Variants in VMP1 observed in about 807,000 individuals in gnomAD.
VMP1 encodes the protein vacuole membrane protein 1.
VMP1 carries 11 observed loss-of-function variants against 56.0 expected under a neutral mutation model. The ratio of observed to expected loss-of-function variants is 0.20; its 90% CI spans 0.12 to 0.32. The LOEUF (loss-of-function observed/expected upper bound fraction) is 0.32. Ranked by LOEUF, VMP1 falls within the 10% of genes least tolerant of loss-of-function variation. The pLI, the probability that VMP1 is intolerant of heterozygous loss-of-function variation, is 1.00. For missense variants in VMP1, 296 were observed against 490.3 expected (o/e 0.60, Z 3.74); for synonymous variants, 149 against 165.0 (o/e 0.90, Z 0.74).
chr17:59,729,031 AAGT>A (rs1375385709), intron 1 of VMP1, among the ~76,000 whole-genome samples: 1 of 152,194 alleles, frequency 6.6e-6, no homozygotes, highest in African/African-American at 2.4e-5. Flanking sequence ...GAATCATAAC[AAGT>A]AGTCTTTTGT....
At chr17:59,825,661 T>A (rs2038624146) in intron 10 of VMP1, among the ~76,000 whole-genome samples, 1 of 152,192 alleles carries the variant, frequency 6.6e-6, no homozygotes. Flanking sequence ...ACAAGAAAAG[T>A]TTCCATAACT....
At chr17:59,809,016 TA>T in intron 8 of VMP1, 140 bp downstream of exon 8, 2 of 652,132 alleles carry the variant, frequency 3.1e-6, no homozygotes, top group Non-Finnish European at 4.9e-6. Flanking sequence ...TTTTTTTTTT[TA>T]AGACGGAGTC....
At chr17:59,811,564 T>C in intron 8 of VMP1, 106 bp from the exon 9 acceptor site, 1 of 819,950 alleles carries the variant, frequency 1.2e-6, no homozygotes, top group Non-Finnish European at 2.0e-6. Flanking sequence ...CATATATTGC[T>C]TTGCAGTGTA....
At chr17:59,742,522 C>CAATAAAAATAAT (rs1555614993) in intron 5 of VMP1, among the ~76,000 whole-genome samples, 10 of 142,948 alleles carry the variant, frequency 7.0e-5, no homozygotes, top group African/African-American at 2.6e-4. Context: ...GTCTCAAAAA[C>CAATAAAAATAAT]AATAATAATA....
intron 10 of VMP1, among the ~76,000 whole-genome samples, chr17:59,825,670 C>G (rs1309293109): frequency 6.6e-6 from 1 of 152,186 alleles, no homozygotes; most frequent in African/African-American, 2.4e-5. Context: ...GTTTCCATAA[C>G]TCAATCATTG....
chr17:59,816,154 T>C (rs2038224417), intron 9 of VMP1, among the ~76,000 whole-genome samples: 1 of 152,228 alleles, frequency 6.6e-6, no homozygotes, highest in African/African-American at 2.4e-5. Flanking sequence ...TTCAAGCTGC[T>C]ACATACAAAA....
intron 5 of VMP1, among the ~76,000 whole-genome samples, chr17:59,745,666 A>G (rs1189485704): frequency 6.6e-6 from 1 of 152,166 alleles, no homozygotes; most frequent in Non-Finnish European, 1.5e-5. Flanking sequence ...TCCAGGCTTA[A>G]CATAATCCTC....
At chr17:59,737,200 G>A (rs2035048804) in intron 3 of VMP1, among the ~76,000 whole-genome samples, 1 of 152,154 alleles carries the variant, frequency 6.6e-6, no homozygotes, top group Non-Finnish European at 1.5e-5. Flanking sequence ...CATATTATAA[G>A]TTGAGGTTTA....
At chr17:59,718,520 T>C (rs2034264820) in intron 1 of VMP1, among the ~76,000 whole-genome samples, 1 of 150,004 alleles carries the variant, frequency 6.7e-6, no homozygotes, top group African/African-American at 2.5e-5. Flanking sequence ...TTTTCCTTTC[T>C]CTTAACACGG....
At chr17:59,832,917 G>T (rs1455286414) in intron 10 of VMP1, among the ~76,000 whole-genome samples, 1 of 151,846 alleles carries the variant, frequency 6.6e-6, no homozygotes, top group East Asian at 1.9e-4. Flanking sequence ...GGCCGAAATG[G>T]TAATTCTTTG....
chr17:59,729,861 T>G (rs572888598), intron 1 of VMP1: 1 of 152,164 alleles, frequency 6.6e-6, no homozygotes, highest in East Asian at 1.9e-4. Context: ...AATTTTTGTA[T>G]TTTTAGTAGA....
At chr17:59,738,973 C>T (rs1328313815) in intron 5 of VMP1, 26 bp downstream of exon 5, 2 of 1,508,458 alleles carry the variant, frequency 1.3e-6, no homozygotes, top group South Asian at 1.2e-5. Flanking sequence ...TTTTAATAAG[C>T]AAAAATGATA....
intron 5 of VMP1, among the ~76,000 whole-genome samples, chr17:59,740,108 A>G (rs1366152625): frequency 1.3e-5 from 2 of 152,072 alleles, no homozygotes; most frequent in Non-Finnish European, 2.9e-5. Context: ...AAAAGAAATA[A>G]GAGAGAATGA....
chr17:59,737,431 AT>A lies in VMP1; in HGVS notation c.213-14del, dbSNP rs755026145. ...CTGAAAGTGAGACTGTGAGATATTTATTTTTTTTATTTGTTTTTAAGATTAT... is the reference window on the plus strand; with the variant it reads ...CTGAAAGTGAGACTGTGAGATATTTATTTTTTTATTTGTTTTTAAGATTAT... On this transcript the variant is annotated intron_variant, in intron 3 of 11. Transcript: ENST00000262291. 6.0e-5 allele frequency: 95 copies of A among 1,593,256 alleles called. 1 individual carries two copies. In the Middle Eastern group the frequency reaches 6.7e-4, roughly 11 times the overall value.
intron 1 of VMP1, among the ~76,000 whole-genome samples, chr17:59,725,865 A>G (rs977333748): frequency 1.3e-5 from 2 of 152,204 alleles, no homozygotes; most frequent in African/African-American, 2.4e-5. Flanking sequence ...TATTTGCTCA[A>G]ATGAAAACCC....
rs971095445 is a variant in VMP1 at position 59,718,184 on chromosome 17, C to CTTTT, written c.-27+10461_-27+10464dup. 1.1e-3 allele frequency among the ~76,000 whole-genome samples: 88 copies of CTTTT among 79,296 alleles called. 9 individuals carry two copies. The highest frequency in any genetic ancestry group is 2.0e-3 in the African/African-American group (45 of 22,398). The allele number at this position is 79,296 out of a possible 152,430, so 52.0% of individuals were successfully genotyped here. A position where few individuals can be genotyped will look rare whatever the true frequency, so the allele number is the denominator to read the frequency against. On this transcript the variant is annotated intron_variant, in intron 1 of 11. Transcript: ENST00000262291. ...ACTTCCTTTCTTCCTTCCCTCCCTC[C>CTTTT]TTTTTTTTTTTTTTTTTTTTTTTTT... is the stretch of plus-strand genomic sequence containing the variant.
rs1279376820 is a variant in VMP1 at position 59,840,362 on chromosome 17, A to G, written c.*451A>G. ...TGGATAACAGTCTTGCATGTTTATC[A>G]TGTTACAATTTAATATTCCATCCTG... On this transcript the variant is annotated 3_prime_UTR_variant, in exon 12 of 12. Coordinates refer to ENST00000262291, the MANE Select transcript of VMP1 (RefSeq NM_030938.5). 1.2e-5 allele frequency: 2 copies of G among 160,702 alleles called. No homozygotes were observed. The highest frequency in any genetic ancestry group is 1.6e-4 in the South Asian group (1 of 6,124). The allele number at this position is 160,702 out of a possible 1,614,324, so 10.0% of individuals were successfully genotyped here.
intron 10 of VMP1, among the ~76,000 whole-genome samples, chr17:59,822,124 G>A (rs988488055): frequency 7.2e-5 from 11 of 152,060 alleles, no homozygotes; most frequent in Non-Finnish European, 1.6e-4. Flanking sequence ...TTACAAGAGT[G>A]AGCCACTGTG....
At chr17:59,738,992 C>A in intron 5 of VMP1, 45 bp downstream of exon 5, 1 of 1,431,042 alleles carries the variant, frequency 7.0e-7, no homozygotes, top group Non-Finnish European at 9.5e-7. Context: ...TATTTCCTAT[C>A]TTTTTATTGG....
Sources: allele counts gnomAD v4.1 joint callset (sites outside exome capture counted in the v4.1 genomes callset), GRCh38; gene constraint gnomAD v4.1.1; transcripts MANE v1.5; gene names NCBI Gene and HGNC (gene_info 2026-07-23, HGNC 2026-07-21).